The following ASTN2 variants were observed in gnomAD, a reference collection of about 807,000 sequenced individuals.
The protein encoded by ASTN2 is astrotactin 2.
In ASTN2, 54 loss-of-function variants were observed where a neutral mutation model predicts 139.8. The observed-to-expected ratio is 0.39, with a 90% CI of 0.31 to 0.48. The LOEUF is 0.48. Among genes scored for constraint, ASTN2 ranks in the 20% least tolerant of loss-of-function variants. ASTN2 has a pLI of 0.95. For synonymous variants in ASTN2, 756 were observed against 719.5 expected, an observed-to-expected ratio of 1.05 and a Z score of -0.81; for missense variants, 1,565 against 1,725.1, an observed-to-expected ratio of 0.91 and a Z score of 1.64.
chr9:116,699,668 C>T lies in ASTN2; in HGVS notation c.2806+26103G>A. 1 of 1,614,158 alleles carries T rather than the reference C, an allele frequency of 6.2e-7. No individual in the cohort carries two copies. The highest frequency in any genetic ancestry group is 8.5e-7 in the Non-Finnish European group (1 of 1,180,034). On this transcript the variant is annotated intron_variant, in intron 16 of 22. Transcript: ENST00000313400. This position sits in a 1 kb window ranked among gnomAD's most constrained non-coding sequence, Gnocchi z 4.2. ...ACTGTTGGGATCATTGCATCAAGAT[C>T]TACAGCTACCATCTGAGAAGATATT...
At chr9:116,756,995 C>T (rs1588268478) in intron 13 of ASTN2, among the ~76,000 whole-genome samples, 1 of 152,206 alleles carries the variant, frequency 6.6e-6, no homozygotes, top group South Asian at 2.1e-4. Flanking sequence ...AAATCCTCCA[C>T]CCTGAAATAG....
chr9:116,570,639 C>T (rs984099373), intron 19 of ASTN2, among the ~76,000 whole-genome samples: 2 of 152,188 alleles, frequency 1.3e-5, no homozygotes, highest in African/African-American at 4.8e-5. Flanking sequence ...CCTCGTGATC[C>T]ACCCGCCTTG....
At chr9:117,128,371 C>CAAAAAAAAAAAAAAA (rs1167187783) in intron 4 of ASTN2, among the ~76,000 whole-genome samples, 2 of 66,444 alleles carry the variant, frequency 3.0e-5, no homozygotes, top group African/African-American at 1.2e-4. Flanking sequence ...GACACTGTCT[C>CAAAAAAAAAAAAAAA]AAAAAAAAAA....
chr9:117,065,915 C>G (rs1827923763), intron 5 of ASTN2, among the ~76,000 whole-genome samples: 1 of 152,014 alleles, frequency 6.6e-6, no homozygotes, highest in Admixed American at 6.6e-5. Context: ...ATCTTAATGT[C>G]TTTGAACCTC....
chr9:116,787,781 C>T (rs1287631627), intron 13 of ASTN2, among the ~76,000 whole-genome samples: 1 of 152,044 alleles, frequency 6.6e-6, no homozygotes, highest in East Asian at 1.9e-4. Flanking sequence ...GCTGAATGGG[C>T]TCCTGTATCA....
At position 117,039,903 on chromosome 9, in the gene ASTN2, G is replaced by C; in HGVS notation, c.1339C>G (p.Leu447Val). The C allele has an allele frequency of 6.2e-7, 1 of 1,613,864 alleles. No individual in the cohort carries two copies. Among genetic ancestry groups the C allele is most frequent in the Non-Finnish European group, 8.5e-7 (1 of 1,179,872 alleles). ...ATCTGGCTGCCACACACCATGGCCAGGATGCAGGAACTCACAGCAATCAGT... is the reference window on the plus strand; with the variant it reads ...ATCTGGCTGCCACACACCATGGCCACGATGCAGGAACTCACAGCAATCAGT... Reference protein sequence around the residue: ...LTLIAVSSCILAMVCGSQMSC... With the variant: ...LTLIAVSSCIVAMVCGSQMSC... The change falls in exon 6 of 23, where the codon CTG (leucine) becomes GTG (valine). Residue 447 changes from leucine to valine, a missense_variant. This residue lies in a region of ASTN2 where 503 missense variants were observed against 591.7 expected (regional missense o/e 0.85). Coordinates refer to ENST00000313400, the MANE Select transcript of ASTN2 (RefSeq NM_001365068.1).
chr9:117,017,633 A>C (rs1318731685), intron 6 of ASTN2, among the ~76,000 whole-genome samples: 3 of 152,212 alleles, frequency 2.0e-5, no homozygotes, highest in African/African-American at 7.2e-5. Flanking sequence ...GAAATTAAAT[A>C]AGATTCATTT....
At chr9:117,025,082 G>A (rs983823233) in intron 6 of ASTN2, among the ~76,000 whole-genome samples, 1 of 152,164 alleles carries the variant, frequency 6.6e-6, no homozygotes. Flanking sequence ...ACCGAGTCTC[G>A]GGTATATCTT....
chr9:117,007,805 C>A (rs1837399830), intron 7 of ASTN2, among the ~76,000 whole-genome samples: 1 of 152,024 alleles, frequency 6.6e-6, no homozygotes, highest in South Asian at 2.1e-4. Flanking sequence ...AGAAGATAGG[C>A]TCTGAATGCA....
intron 11 of ASTN2, among the ~76,000 whole-genome samples, chr9:116,836,011 T>C (rs2132292598): frequency 6.6e-6 from 1 of 152,200 alleles, no homozygotes; most frequent in African/African-American, 2.4e-5. Flanking sequence ...CAGGGGAAGG[T>C]AGTGGCCTTG....
At chr9:117,210,331 CATAA>C (rs2133012164) in intron 3 of ASTN2, among the ~76,000 whole-genome samples, 1 of 151,750 alleles carries the variant, frequency 6.6e-6, no homozygotes, top group South Asian at 2.1e-4. Flanking sequence ...AGAACACTCA[CATAA>C]ATAAAATCGG....
At chr9:116,962,843 G>A (rs1400281894) in intron 10 of ASTN2, among the ~76,000 whole-genome samples, 2 of 152,106 alleles carry the variant, frequency 1.3e-5, no homozygotes, top group African/African-American at 2.4e-5. Flanking sequence ...ATAGGTAAGG[G>A]GATTGAATGA....
chr9:117,296,375 T>C (rs1049581161), intron 1 of ASTN2, among the ~76,000 whole-genome samples: 3 of 151,646 alleles, frequency 2.0e-5, no homozygotes, highest in East Asian at 1.9e-4. Flanking sequence ...GGTGATACTG[T>C]GTACATTTTA....
chr9:116,547,317 T>C (rs561271466), intron 19 of ASTN2: 31 of 152,350 alleles, frequency 2.0e-4, no homozygotes, highest in African/African-American at 6.5e-4. Flanking sequence ...ACACCAGTCA[T>C]GTGAAATTGG....
intron 10 of ASTN2, among the ~76,000 whole-genome samples, chr9:116,970,214 C>A (rs895024060): frequency 1.3e-5 from 2 of 152,098 alleles, no homozygotes; most frequent in African/African-American, 2.4e-5. Flanking sequence ...CTGCAAAGAC[C>A]CCTTTTCCAA....
At chr9:116,536,947 C>A (rs922016381) in intron 19 of ASTN2, among the ~76,000 whole-genome samples, 1 of 152,188 alleles carries the variant, frequency 6.6e-6, no homozygotes, top group African/African-American at 2.4e-5. Flanking sequence ...ATGCCCTGCC[C>A]CCAGAGGTGG....
chr9:116,451,562 T>C (rs1334726113), intron 20 of ASTN2, among the ~76,000 whole-genome samples: 2 of 152,196 alleles, frequency 1.3e-5, no homozygotes, highest in African/African-American at 2.4e-5. Context: ...AATAAAAATG[T>C]ATTCTTGCCC....
intron 4 of ASTN2, among the ~76,000 whole-genome samples, chr9:117,120,018 G>GTGTGTGTGTGTATATATATATA (rs1306397698): frequency 7.6e-4 from 35 of 45,988 alleles, no homozygotes; most frequent in African/African-American, 2.7e-3. Flanking sequence ...GTGTGTGTGT[G>GTGTGTGTGTGTATATATATATA]TATATATATA....
rs150948402 is a variant in ASTN2, at chr9:117,312,724, G to A, written c.443-21211C>T. Among the ~76,000 whole-genome samples, 706 of 152,206 alleles carry A rather than the reference G, an allele frequency of 4.6e-3. 5 individuals carry two copies. The highest frequency in any genetic ancestry group is 0.015 in the African/African-American group (622 of 41,540). ...GGGTCCAGGGCTCCATATCAGCTCT[G>A]CCATTCACTTCTGCTCCGTAACTTT... On this transcript the variant is annotated intron_variant, in intron 1 of 22. Coordinates refer to ENST00000313400, the MANE Select transcript of ASTN2 (RefSeq NM_001365068.1).
Sources: allele counts gnomAD v4.1 joint callset (sites outside exome capture counted in the v4.1 genomes callset), GRCh38; gene constraint gnomAD v4.1.1; regional missense constraint gnomAD v4.1.1; non-coding constraint Gnocchi (gnomAD v3.1); transcripts MANE v1.5; gene names NCBI Gene and HGNC (gene_info 2026-07-23, HGNC 2026-07-21).